Variants in SUGCT observed in about 807,000 individuals in gnomAD.
SUGCT encodes succinyl-CoA:glutarate CoA-transferase.
Under a neutral mutation model 55.0 loss-of-function variants are expected in SUGCT, and 41 were observed. The observed-to-expected ratio is 0.74, with a 90% CI of 0.58 to 0.97. The LOEUF (loss-of-function observed/expected upper bound fraction) is 0.97, where lower values mean the gene tolerates loss of function less well. Among genes scored for constraint, SUGCT ranks in the 50% least tolerant of loss-of-function variants. SUGCT has a pLI of 0.00. For synonymous variants in SUGCT, 187 were observed against 200.4 expected (o/e 0.93, Z 0.56); for missense variants, 568 against 547.8 (o/e 1.04, Z -0.37).
chr7:40,888,921 A>G, the SUGCT span, among the ~76,000 whole-genome samples: 3 of 152,220 alleles, frequency 2.0e-5, no homozygotes, highest in African/African-American at 7.2e-5. Flanking sequence ...CTGCTCAGCT[A>G]GGCTGGCTCT....
At chr7:40,939,410 A>G in the SUGCT span, among the ~76,000 whole-genome samples, 1 of 152,190 alleles carries the variant, frequency 6.6e-6, no homozygotes, top group South Asian at 2.1e-4. Flanking sequence ...TCACATACCT[A>G]GTAGTGGTAT....
chr7:40,166,234 A>G (rs76146992), intron 1 of SUGCT, among the ~76,000 whole-genome samples: 3,226 of 152,368 alleles, frequency 0.021, 62 homozygotes, highest in Non-Finnish European at 0.032. Context: ...TCCATGAGAC[A>G]GGTGCTTCAG....
intron 1 of SUGCT, among the ~76,000 whole-genome samples, chr7:40,155,908 A>G (rs1005118273): frequency 6.7e-6 from 1 of 148,410 alleles, no homozygotes; most frequent in Non-Finnish European, 1.5e-5. Flanking sequence ...CCCAGGCTAG[A>G]GTGCAGCGGC....
intron 12 of SUGCT, among the ~76,000 whole-genome samples, chr7:40,676,497 GTTTTTTGTTT>G (rs970292185): frequency 7.8e-6 from 1 of 127,642 alleles, no homozygotes; most frequent in African/African-American, 3.4e-5. Flanking sequence ...TTGCGGTTTT[GTTTTTTGTTT>G]TTTTTTTTTT....
chr7:40,250,116 G>A (rs1166302174), intron 7 of SUGCT, among the ~76,000 whole-genome samples: 1 of 152,036 alleles, frequency 6.6e-6, no homozygotes, highest in Non-Finnish European at 1.5e-5. Flanking sequence ...ATTATTCTTG[G>A]GCCAGACATG....
the SUGCT span, among the ~76,000 whole-genome samples, chr7:40,885,563 C>T: frequency 1.1e-3 from 169 of 152,162 alleles, no homozygotes; most frequent in African/African-American, 3.8e-3. Context: ...ATCAGACTGA[C>T]GTTAAATTCA....
At chr7:40,699,736 G>GT (rs1162755741) in intron 12 of SUGCT, among the ~76,000 whole-genome samples, 2 of 151,994 alleles carry the variant, frequency 1.3e-5, no homozygotes, top group Non-Finnish European at 2.9e-5. Context: ...GAGCCTGGTG[G>GT]TGCACATCTG....
In SUGCT at chr7:40,199,696, A is replaced by G. The variant is rs1052898116; in HGVS notation, c.484+4636A>G. ...TATTTCTCCTGTTCTTGTTAATTTC[A>G]TTACTCTTTCTTTCTGGAAGGATAA... On this transcript the variant is annotated intron_variant, in intron 6 of 13. Coordinates refer to ENST00000335693, the MANE Select transcript of SUGCT (RefSeq NM_001193313.2). Among the ~76,000 whole-genome samples the G allele has an allele frequency of 2.6e-5, 4 of 151,820 alleles. No homozygotes were observed. The East Asian group carries it at 7.7e-4, about 29-fold the overall frequency.
At chr7:40,392,941 A>G (rs1388407463) in intron 9 of SUGCT, among the ~76,000 whole-genome samples, 2 of 152,208 alleles carry the variant, frequency 1.3e-5, no homozygotes, top group Non-Finnish European at 2.9e-5. Flanking sequence ...AGAGTCACCA[A>G]TTAAGACAGT....
At chr7:40,314,559 C>CTTGTTTTTTTTTT in intron 8 of SUGCT, among the ~76,000 whole-genome samples, 1 of 108,732 alleles carries the variant, frequency 9.2e-6, no homozygotes, top group African/African-American at 3.3e-5. Flanking sequence ...TCCCTTGTGT[C>CTTGTTTTTTTTTT]TTTTTTTTTT....
intron 11 of SUGCT, among the ~76,000 whole-genome samples, chr7:40,477,827 A>G (rs572724514): frequency 5.9e-5 from 9 of 152,236 alleles, no homozygotes; most frequent in African/African-American, 2.2e-4. Flanking sequence ...CCATTACCAT[A>G]TACTTGAATT....
chr7:40,771,382 T>A (rs1262748686), intron 13 of SUGCT, among the ~76,000 whole-genome samples: 8 of 152,198 alleles, frequency 5.3e-5, no homozygotes, highest in Non-Finnish European at 1.2e-4. Flanking sequence ...TCAAATTGAA[T>A]TATAAAGTCT....
At chr7:40,210,590 G>A (rs1381873771) in intron 6 of SUGCT, among the ~76,000 whole-genome samples, 1 of 152,088 alleles carries the variant, frequency 6.6e-6, no homozygotes, top group Non-Finnish European at 1.5e-5. Flanking sequence ...AGCAAGGCAA[G>A]TTATTTATAT....
chr7:40,757,336 T>G (rs1788306550), intron 13 of SUGCT, among the ~76,000 whole-genome samples: 1 of 152,168 alleles, frequency 6.6e-6, no homozygotes, highest in Non-Finnish European at 1.5e-5. Context: ...ATCTGTGGCA[T>G]GAGGAAGAAA....
chr7:40,188,320 G>T (rs1785662595), intron 3 of SUGCT, among the ~76,000 whole-genome samples, 175 bp from the exon 4 acceptor site: 2 of 151,324 alleles, frequency 1.3e-5, no homozygotes, highest in African/African-American at 4.9e-5. Context: ...TGTAATCCCA[G>T]CTACTCAGGT....
At chr7:40,696,154 A>G (rs1411773230) in intron 12 of SUGCT, among the ~76,000 whole-genome samples, 1 of 152,210 alleles carries the variant, frequency 6.6e-6, no homozygotes, top group Non-Finnish European at 1.5e-5. Context: ...CTATCTGTTA[A>G]TATTTCAAAG....
chr7:40,922,262 A>G, the SUGCT span, among the ~76,000 whole-genome samples: 2 of 152,168 alleles, frequency 1.3e-5, no homozygotes, highest in Non-Finnish European at 2.9e-5. Flanking sequence ...GAGTTTCTGT[A>G]AAATTGATCA....
At chr7:40,608,777 A>G (rs552689533) in intron 12 of SUGCT, among the ~76,000 whole-genome samples, 6 of 152,166 alleles carry the variant, frequency 3.9e-5, no homozygotes, top group Non-Finnish European at 7.3e-5. Context: ...TGTTTTACCA[A>G]TGAGCCAAAA....
chr7:40,282,146 T>A (rs1461159791), intron 8 of SUGCT, among the ~76,000 whole-genome samples: 1 of 151,980 alleles, frequency 6.6e-6, no homozygotes, highest in Non-Finnish European at 1.5e-5. Context: ...GTACTTTCCC[T>A]ATTGTGTATT....
Sources: allele counts gnomAD v4.1 joint callset (sites outside exome capture counted in the v4.1 genomes callset), GRCh38; gene constraint gnomAD v4.1.1; transcripts MANE v1.5; gene names NCBI Gene and HGNC (gene_info 2026-07-23, HGNC 2026-07-21).